Variants in C22orf15 observed in about 807,000 individuals in gnomAD.
C22orf15 encodes the protein chromosome 22 open reading frame 15, also known as uncharacterized protein C22orf15.
In C22orf15, 21 loss-of-function variants were observed where a neutral mutation model predicts 20.3. The ratio of observed to expected loss-of-function variants is 1.04; its 90% confidence interval spans 0.74 to 1.49. The LOEUF (loss-of-function observed/expected upper bound fraction) is 1.49, where lower values mean the gene tolerates loss of function less well. Ranked by LOEUF, C22orf15 falls within the 40% of genes most tolerant of loss-of-function variation. The pLI, the probability that C22orf15 is intolerant of heterozygous loss-of-function variation, is 0.00. For missense variants in C22orf15, 170 were observed against 191.1 expected, an observed-to-expected ratio of 0.89 and a Z score of 0.65; for synonymous variants, 78 against 75.4, an observed-to-expected ratio of 1.03 and a Z score of -0.18.
In C22orf15 at chr22:23,765,757, A is replaced by G; in HGVS notation, c.*25A>G. On this transcript the variant is annotated 3_prime_UTR_variant, in exon 6 of 6. Coordinates refer to ENST00000402217, the MANE Select transcript of C22orf15 (RefSeq NM_182520.3). The stretch of plus-strand genomic sequence containing the variant: ...AGGGGATGGATTGCACACTGTAGTG[A>G]GACATCCATCCTGACCCCACCTCAT... 6.5e-7 allele frequency: 1 copy of G among 1,550,314 alleles called. No homozygotes were observed. The highest frequency in any genetic ancestry group is 1.2e-5 in the South Asian group (1 of 83,862).
Position 23,763,122 on chromosome 22 carries a change from C to A in C22orf15, c.-185C>A. On this transcript the variant is annotated 5_prime_UTR_variant, in exon 1 of 6. Coordinates refer to ENST00000402217, the MANE Select transcript of C22orf15 (RefSeq NM_182520.3). ...CTGCAGGGTTTGAGCTAGGCTGAAG[C>A]AGCAGAACCACAGAGGTGGCTGAGC... 1 of 721,582 alleles carries A rather than the reference C, an allele frequency of 1.4e-6. No homozygotes were observed. Among genetic ancestry groups the A allele is most frequent in the Non-Finnish European group, 2.3e-6 (1 of 440,276 alleles). 44.7% of individuals were successfully genotyped at this position (721,582 alleles called of 1,614,324 possible). A position where few individuals can be genotyped will look rare whatever the true frequency, so the allele number is the denominator to read the frequency against.
chr22:23,764,094 C>T lies in C22orf15; in HGVS notation c.33C>T (p.Cys11=). 1 of 1,550,726 alleles carries T rather than the reference C, an allele frequency of 6.4e-7. No individual in the cohort carries two copies. The highest frequency in any genetic ancestry group is 8.7e-7 in the Non-Finnish European group (1 of 1,146,990). The change falls in exon 2 of 6, where the codon TGC becomes TGT. Residue 11 remains cysteine, a synonymous_variant. Coordinates refer to ENST00000402217, the MANE Select transcript of C22orf15 (RefSeq NM_182520.3). ...CTTTGCCCCTCTCCACAGCTGGCTGCTCGGTGCTGGTGAACACCTCTTGCA... is the reference window on the plus strand; with the variant it reads ...CTTTGCCCCTCTCCACAGCTGGCTGTTCGGTGCTGGTGAACACCTCTTGCA... The part of the protein sequence containing the change: MFIKVMFGAG[C]SVLVNTSCRL...
At position 23,764,809 on chromosome 22, in the gene C22orf15, G is replaced by C; in HGVS notation, c.342G>C (p.Leu114=). ...GCCTTCCAGAGGAACTGCGCAGGCT[G>C]TCAGGCCTCTCCTCTGTGGGCCACA... ...YPELAEELRR[L]SGLSSVGHNW... is the part of the protein sequence containing the mutation. The change falls in exon 5 of 6, where the codon CTG becomes CTC. Residue 114 remains leucine (L), a synonymous_variant. Transcript: ENST00000402217. 1 of 1,614,084 alleles carries C rather than the reference G, an allele frequency of 6.2e-7. No homozygotes were observed. Among genetic ancestry groups the C allele is most frequent in the Non-Finnish European group, 8.5e-7 (1 of 1,180,006 alleles).
chr22:23,765,496 G>A (rs1408164478), intron 5 of C22orf15: 1 of 1,550,680 alleles, frequency 6.4e-7, no homozygotes, highest in East Asian at 2.4e-5. Flanking sequence ...CACCTAAGCT[G>A]TGGGTGCAGA....
intron 3 of C22orf15, 53 bp from the exon 4 acceptor site, chr22:23,764,586 T>C (rs1926391323): frequency 6.3e-7 from 1 of 1,591,058 alleles, no homozygotes; most frequent in African/African-American, 1.3e-5. Context: ...AGAGGCAGAG[T>C]AGGGACCATT....
chr22:23,764,486 C>T (rs751959920), intron 3 of C22orf15, 89 bp downstream of exon 3: 7 of 1,593,062 alleles, frequency 4.4e-6, no homozygotes, highest in South Asian at 2.2e-5. Flanking sequence ...AGGCCCTGTC[C>T]GGCCTCCCAC....
chr22:23,765,231 G>A, intron 5 of C22orf15: 1 of 1,462,960 alleles, frequency 6.8e-7, no homozygotes, highest in Non-Finnish European at 9.0e-7. Flanking sequence ...GCGGCAGCAT[G>A]GTGTGTGATG....
Position 23,763,149 on chromosome 22 carries a change from GGGGCCT to G in C22orf15, c.-155_-150del. The G allele has an allele frequency of 1.0e-6, 1 of 958,930 alleles. No homozygotes were observed. The highest frequency in any genetic ancestry group is 1.5e-5 in the South Asian group (1 of 66,180). 59.4% of individuals were successfully genotyped at this position (958,930 alleles called of 1,614,324 possible). A position where few individuals can be genotyped will look rare whatever the true frequency, so the allele number is the denominator to read the frequency against. On this transcript the variant is annotated 5_prime_UTR_variant, in exon 1 of 6. Transcript: ENST00000402217. ...GCAGAACCACAGAGGTGGCTGAGCA[GGGGCCT>G]GGCCCTGGGACCCAGCCATCCACAC...
rs1210764603 is a variant in C22orf15, at chr22:23,763,004, C to G, written c.-303C>G. On this transcript the variant is annotated 5_prime_UTR_variant, in exon 1 of 6. Coordinates refer to ENST00000402217, the MANE Select transcript of C22orf15 (RefSeq NM_182520.3). ...ATTTCCTGCCTAGATGTCTCCGCCC[C>G]CACTGCCATGGAGACCAGCTTGGAA... The G allele has an allele frequency of 6.8e-6, 3 of 441,532 alleles. No individual in the cohort carries two copies. The highest frequency in any genetic ancestry group is 8.9e-5 in the East Asian group (2 of 22,474). 27.4% of individuals were successfully genotyped at this position (441,532 alleles called of 1,614,324 possible). A position where few individuals can be genotyped will look rare whatever the true frequency, so the allele number is the denominator to read the frequency against.
Position 23,765,702 on chromosome 22 carries a change from G to GCTCCTC in C22orf15, c.436-14_436-9dup. 1 of 1,547,928 alleles carries GCTCCTC rather than the reference G, an allele frequency of 6.5e-7. No homozygotes were observed. Among genetic ancestry groups the GCTCCTC allele is most frequent in the Admixed American group, 2.0e-5 (1 of 50,770 alleles). ...TACCCACAGTGCAGATTGCAACAGG[G>GCTCCTC]CTCCTCCTCCCCACCCAGGGCCCTG... On this transcript the variant is annotated intron_variant, in intron 5 of 5. Transcript: ENST00000402217.
At chr22:23,764,496 C>G in intron 3 of C22orf15, 99 bp downstream of exon 3, 3 of 1,574,436 alleles carry the variant, frequency 1.9e-6, no homozygotes, top group Non-Finnish European at 2.6e-6. Context: ...CGGCCTCCCA[C>G]CTCGGCTGGG....
chr22:23,765,480 C>CA, intron 5 of C22orf15: 3 of 1,550,736 alleles, frequency 1.9e-6, no homozygotes, highest in Non-Finnish European at 2.6e-6. Context: ...TTGAGGCCGC[C>CA]AGGGGCACCT....
intron 5 of C22orf15, chr22:23,765,478 G>C (rs779674377): frequency 1.3e-6 from 2 of 1,550,630 alleles, no homozygotes. Context: ...ATTTGAGGCC[G>C]CCAGGGGCAC....
At chr22:23,765,402 G>T in intron 5 of C22orf15, 1 of 1,551,052 alleles carries the variant, frequency 6.4e-7, no homozygotes, top group South Asian at 1.2e-5. Context: ...AACCCAGCAG[G>T]ACTCCTCTTG....
rs2145923063 is a variant in C22orf15, at chr22:23,765,737, A to T, written c.*5A>T. Reference sequence around the variant, plus strand: ...CCCACCCAGGGCCCTGATTAAGGGGATGGATTGCACACTGTAGTGAGACAT... The same window carrying T: ...CCCACCCAGGGCCCTGATTAAGGGGTTGGATTGCACACTGTAGTGAGACAT... On this transcript the variant is annotated 3_prime_UTR_variant, in exon 6 of 6. Coordinates refer to ENST00000402217, the MANE Select transcript of C22orf15 (RefSeq NM_182520.3). The T allele has an allele frequency of 6.4e-7, 1 of 1,550,804 alleles. No homozygotes were observed. Among genetic ancestry groups the T allele is most frequent in the African/African-American group, 1.4e-5 (1 of 73,132 alleles).
Position 23,763,440 on chromosome 22 carries a change from G to A in C22orf15, c.25+109G>A, listed in dbSNP as rs1307304178. On this transcript the variant is annotated intron_variant, in intron 1 of 5. Transcript: ENST00000402217. Reference sequence around the variant, plus strand: ...GGGGAGGCAATGGCGGGAAAGGGGGGTGGTGCACATGGCGGGGGTCGTCGG... The same window carrying A: ...GGGGAGGCAATGGCGGGAAAGGGGGATGGTGCACATGGCGGGGGTCGTCGG... The A allele has an allele frequency of 4.0e-6, 5 of 1,264,886 alleles. No homozygotes were observed. The African/African-American group carries it at 7.6e-5, about 19-fold the overall frequency. 78.4% of individuals were successfully genotyped at this position (1,264,886 alleles called of 1,614,324 possible). A position where few individuals can be genotyped will look rare whatever the true frequency, so the allele number is the denominator to read the frequency against.
At position 23,764,893 on chromosome 22, in the gene C22orf15, G is replaced by T. The variant is rs745392134; in HGVS notation, c.426G>T (p.Arg142Ser). 8 of 1,610,656 alleles carry T rather than the reference G, an allele frequency of 5.0e-6. No homozygotes were observed. Among genetic ancestry groups the T allele is most frequent in the African/African-American group, 1.3e-5 (1 of 74,996 alleles). Reference protein sequence around the residue: ...RGRHEQSPTSRPRKGPD With the variant: ...RGRHEQSPTSSPRKGPD Reference sequence around the variant, plus strand: ...GCCATGAGCAAAGCCCCACTTCAAGGCCCAGAAAGGTGAGCTCCCTGCCAC... The same window carrying T: ...GCCATGAGCAAAGCCCCACTTCAAGTCCCAGAAAGGTGAGCTCCCTGCCAC... The change falls in exon 5 of 6, where the codon AGG (arginine) becomes AGT (serine). Residue 142 changes from arginine to serine, a missense_variant. Coordinates refer to ENST00000402217, the MANE Select transcript of C22orf15 (RefSeq NM_182520.3).
intron 1 of C22orf15, 119 bp downstream of exon 1, chr22:23,763,450 T>TGGGGCACAG: frequency 2.1e-6 from 1 of 476,802 alleles, no homozygotes; most frequent in East Asian, 7.2e-5. Context: ...GTGGTGCACA[T>TGGGGCACAG]GGCGGGGGTC....
intron 2 of C22orf15, 34 bp downstream of exon 2, chr22:23,764,207 G>A: frequency 6.4e-7 from 1 of 1,551,634 alleles, no homozygotes; most frequent in South Asian, 1.2e-5. Context: ...AGGGGCTGAG[G>A]GGTCCCAGGC....
Sources: gnomAD v4.1 joint callset for allele counts on GRCh38, gnomAD v4.1.1 for gene constraint, MANE v1.5 for transcripts, NCBI Gene and HGNC (gene_info 2026-07-23, HGNC 2026-07-21) for gene names.